MAST2: variants seen among roughly 807,000 people sequenced by gnomAD.
MAST2 encodes microtubule associated serine/threonine kinase 2.
MAST2 carries 70 observed loss-of-function variants against 147.4 expected under a neutral mutation model. The observed-to-expected ratio is 0.47, with a 90% CI of 0.39 to 0.58. The LOEUF (loss-of-function observed/expected upper bound fraction) is 0.58. MAST2 is among the 20% of genes least tolerant of loss of function. The pLI, the probability that MAST2 is intolerant of heterozygous loss-of-function variation, is 0.00. For synonymous variants in MAST2, 869 were observed against 896.8 expected, an observed-to-expected ratio of 0.97 and a Z score of 0.55; for missense variants, 2,080 against 2,302.3, an observed-to-expected ratio of 0.90 and a Z score of 1.98.
At chr1:45,934,289 C>T (rs1435633647) in intron 4 of MAST2, among the ~76,000 whole-genome samples, 1 of 152,140 alleles carries the variant, frequency 6.6e-6, no homozygotes, top group Non-Finnish European at 1.5e-5. Context: ...TCGAGACCAC[C>T]CTAGCTAACA....
rs576773765 is a variant in MAST2 at position 45,971,279 on chromosome 1, C to T, written c.592+11802C>T. Among the ~76,000 whole-genome samples, 13 of 152,304 alleles carry T rather than the reference C, an allele frequency of 8.5e-5. No individual in the cohort carries two copies. In the East Asian group the frequency reaches 2.5e-3, roughly 29 times the overall value. ...TACTCAGCAATCAGGGAATAGCCCTCTGGAGCACAGGTGAGTCTCAGCCAG... is the reference window on the plus strand; with the variant it reads ...TACTCAGCAATCAGGGAATAGCCCTTTGGAGCACAGGTGAGTCTCAGCCAG... On this transcript the variant is annotated intron_variant, in intron 5 of 28. Coordinates refer to ENST00000361297, the MANE Select transcript of MAST2 (RefSeq NM_015112.3).
At chr1:45,937,604 T>C (rs182925426) in intron 4 of MAST2, among the ~76,000 whole-genome samples, 1 of 151,724 alleles carries the variant, frequency 6.6e-6, no homozygotes, top group East Asian at 1.9e-4. Context: ...ACAAAAAAAT[T>C]AGCCGGGTGT....
chr1:45,980,330 G>T (rs1186986375), intron 5 of MAST2, among the ~76,000 whole-genome samples: 1 of 150,990 alleles, frequency 6.6e-6, no homozygotes, highest in Admixed American at 6.6e-5. Flanking sequence ...CTTAGAGGGG[G>T]CAAGAGTTGA....
At chr1:45,994,307 A>C (rs1644968077) in intron 5 of MAST2, among the ~76,000 whole-genome samples, 1 of 36,048 alleles carries the variant, frequency 2.8e-5, no homozygotes, top group Non-Finnish European at 5.2e-5. Flanking sequence ...TTTGAGAAGG[A>C]GTTTCACTCT....
chr1:45,931,407 A>C (rs1306097002), intron 4 of MAST2, among the ~76,000 whole-genome samples: 2 of 111,324 alleles, frequency 1.8e-5, no homozygotes, highest in African/African-American at 6.8e-5. Context: ...TTTGAGATAG[A>C]GTCTTGCTCT....
chr1:45,905,739 G>C (rs1305631491), intron 4 of MAST2, among the ~76,000 whole-genome samples: 3 of 151,148 alleles, frequency 2.0e-5, no homozygotes, highest in African/African-American at 4.9e-5. Context: ...TCGCGCCACT[G>C]CACTGCAGCC....
rs534904382 is a variant in MAST2 at position 45,887,318 on chromosome 1, T to C, written c.500+4923T>C. On this transcript the variant is annotated intron_variant, in intron 4 of 28. Coordinates refer to ENST00000361297, the MANE Select transcript of MAST2 (RefSeq NM_015112.3). ...TTTCTTAGAGGCTATGAGCAGTCAA[T>C]TGAGATAACAGACTGTAGGAGTGGA... is the stretch of plus-strand genomic sequence containing the variant. Among the ~76,000 whole-genome samples the C allele has an allele frequency of 6.6e-5, 10 of 152,326 alleles. No individual in the cohort carries two copies. In the South Asian group the frequency reaches 1.9e-3, roughly 28 times the overall value.
At chr1:46,022,137 A>C in intron 12 of MAST2, 55 bp downstream of exon 12, 2 of 1,602,382 alleles carry the variant, frequency 1.2e-6, no homozygotes, top group South Asian at 1.1e-5. Context: ...GGCAAGCTCT[A>C]ACAGCAGGGA....
rs13374954 is a variant in MAST2 at position 45,981,840 on chromosome 1, T to C, written c.593-15884T>C. On this transcript the variant is annotated intron_variant, in intron 5 of 28. Transcript: ENST00000361297. ...TCAACAAACTTTAAAATGGTGGTAA[T>C]TTTGGCTTTTTTTTTTTTTTGAAAG... Among the ~76,000 whole-genome samples, 1,063 of 142,946 alleles carry C rather than the reference T, an allele frequency of 7.4e-3. 16 individuals are homozygous for C. The highest frequency in any genetic ancestry group is 0.027 in the African/African-American group (1,004 of 37,586). The allele number at this position is 142,946 out of a possible 152,430, so 93.8% of individuals were successfully genotyped here.
chr1:45,905,198 G>A (rs559166293), intron 4 of MAST2, among the ~76,000 whole-genome samples: 79 of 144,780 alleles, frequency 5.5e-4, no homozygotes, highest in Middle Eastern at 3.6e-3. Context: ...TTTTTTTGAG[G>A]CAGAGTCTTG....
chr1:45,934,361 C>A (rs145147460), intron 4 of MAST2, among the ~76,000 whole-genome samples: 1,532 of 152,286 alleles, frequency 0.01, 13 homozygotes, highest in Non-Finnish European at 0.016. Context: ...TGGCAGGTGC[C>A]TGTATTTCCA....
intron 4 of MAST2, among the ~76,000 whole-genome samples, chr1:45,926,197 T>C (rs78640274): frequency 0.07 from 10,658 of 152,252 alleles, 500 homozygotes; most frequent in Middle Eastern, 0.11. Flanking sequence ...TTCTCTTCAT[T>C]ATTAAAATGG....
At chr1:46,011,140 G>T in intron 10 of MAST2, 1 of 592,280 alleles carries the variant, frequency 1.7e-6, no homozygotes, top group South Asian at 2.1e-5. Flanking sequence ...ATCAAAGGAA[G>T]TCACTTCTGT....
intron 3 of MAST2, among the ~76,000 whole-genome samples, chr1:45,859,079 T>A (rs1645891440): frequency 6.6e-6 from 1 of 152,190 alleles, no homozygotes. Context: ...CTTAGGATTG[T>A]CTTGGCAATG....
intron 4 of MAST2, among the ~76,000 whole-genome samples, chr1:45,958,262 A>G (rs1265684283): frequency 6.6e-6 from 1 of 151,910 alleles, no homozygotes; most frequent in African/African-American, 2.4e-5. Flanking sequence ...CCTTCCCCAT[A>G]GCTTCTATAA....
chr1:46,022,850 G>C (rs548938105), intron 12 of MAST2, 60 bp from the exon 13 acceptor site: 1 of 1,243,958 alleles, frequency 8.0e-7, no homozygotes, highest in Non-Finnish European at 1.2e-6. Context: ...GTGATCTGAG[G>C]ATACTGCTGA....
chr1:45,995,044 G>A (rs995023976), intron 5 of MAST2, among the ~76,000 whole-genome samples: 14 of 151,958 alleles, frequency 9.2e-5, no homozygotes, highest in Non-Finnish European at 1.9e-4. Context: ...GTTTCATTGT[G>A]TTAACCAGGA....
chr1:46,034,052 C>T (rs1646792721), intron 27 of MAST2, 21 bp from the exon 28 acceptor site: 1 of 1,610,226 alleles, frequency 6.2e-7, no homozygotes, highest in African/African-American at 1.3e-5. Flanking sequence ...CCGACTCAGC[C>T]TTTGACCCTT....
intron 5 of MAST2, among the ~76,000 whole-genome samples, chr1:45,997,315 T>C (rs1429961124): frequency 2.0e-5 from 3 of 152,186 alleles, no homozygotes; most frequent in Non-Finnish European, 4.4e-5. Context: ...CAGAGATATA[T>C]ATGCAAGAAA....
Sources: allele counts gnomAD v4.1 joint callset (sites outside exome capture counted in the v4.1 genomes callset), GRCh38; gene constraint gnomAD v4.1.1; transcripts MANE v1.5; gene names NCBI Gene and HGNC (gene_info 2026-07-23, HGNC 2026-07-21).